The following EYA1 variants were observed in gnomAD, a reference collection of about 807,000 sequenced individuals.
EYA1 encodes the protein protein phosphatase EYA1.
Under a neutral mutation model 82.0 loss-of-function variants are expected in EYA1, and 16 were observed. The observed-to-expected ratio is 0.20, with a 90% CI of 0.13 to 0.30. The LOEUF (loss-of-function observed/expected upper bound fraction) is 0.30, where lower values mean the gene tolerates loss of function less well. Among genes scored for constraint, EYA1 ranks in the 10% least tolerant of loss-of-function variants. The pLI is 1.00. For missense variants in EYA1, 633 were observed against 730.7 expected (o/e 0.87, Z 1.54); for synonymous variants, 261 against 264.4 (o/e 0.99, Z 0.12).
Position 71,271,804 on chromosome 8 carries a change from C to T in EYA1, c.920G>A (p.Gly307Asp), listed in dbSNP as rs1435743529. 6.2e-7 allele frequency: 1 copy of T among 1,614,146 alleles called. No individual in the cohort carries two copies. The highest frequency in any genetic ancestry group is 8.5e-7 in the Non-Finnish European group (1 of 1,180,014). ...RGSDGKSRGR[G>D]RRNNNPSPPP... The stretch of plus-strand genomic sequence containing the variant: ...AGGTGAAGGATTATTGTTTCTTCGG[C>T]CCCGTCCACGTGATTTCCCATCTGA... The change falls in exon 10 of 18, where the codon GGC (glycine) becomes GAC (aspartate). Residue 307 changes from glycine (G) to aspartate (D), a missense_variant. Transcript: ENST00000340726.
intron 2 of EYA1, among the ~76,000 whole-genome samples, chr8:71,531,660 G>A (rs1185781948): frequency 6.6e-6 from 1 of 152,058 alleles, no homozygotes; most frequent in South Asian, 2.1e-4. Flanking sequence ...TGTTTCCAGT[G>A]TTTACCTTGG....
intron 17 of EYA1, among the ~76,000 whole-genome samples, chr8:71,201,065 G>C (rs1806937518): frequency 6.8e-6 from 1 of 147,350 alleles, no homozygotes; most frequent in Non-Finnish European, 1.5e-5. Context: ...AGTGGCTGCA[G>C]GAGCCAGCTG....
chr8:71,284,280 C>T (rs1818140383), intron 9 of EYA1, among the ~76,000 whole-genome samples: 2 of 152,324 alleles, frequency 1.3e-5, no homozygotes, highest in Admixed American at 1.3e-4. Context: ...TCTTTCCTTT[C>T]ACTCTTTGGG....
intron 2 of EYA1, among the ~76,000 whole-genome samples, chr8:71,444,647 T>A (rs1461167126): frequency 4.6e-5 from 7 of 152,196 alleles, no homozygotes; most frequent in African/African-American, 1.7e-4. Context: ...TGACTGAGCA[T>A]CCGTATGTAC....
intron 2 of EYA1, among the ~76,000 whole-genome samples, chr8:71,463,930 C>G (rs1016086042): frequency 1.3e-5 from 2 of 151,984 alleles, no homozygotes; most frequent in African/African-American, 2.4e-5. Flanking sequence ...AAAAAACATT[C>G]CTCTGTAGAG....
intron 4 of EYA1, among the ~76,000 whole-genome samples, chr8:71,330,473 CCTCT>C (rs1422327990): frequency 6.6e-6 from 1 of 152,112 alleles, no homozygotes; most frequent in African/African-American, 2.4e-5. Context: ...AAATGCCATC[CCTCT>C]CTCTAACGAA....
intron 2 of EYA1, among the ~76,000 whole-genome samples, chr8:71,453,454 A>G (rs766659873): frequency 7.2e-5 from 11 of 152,330 alleles, no homozygotes; most frequent in Non-Finnish European, 1.5e-4. Context: ...GAGCAACTCC[A>G]ATACACATAA....
At chr8:71,506,530 T>A (rs745359630) in intron 2 of EYA1, among the ~76,000 whole-genome samples, 1 of 152,234 alleles carries the variant, frequency 6.6e-6, no homozygotes, top group Non-Finnish European at 1.5e-5. Flanking sequence ...CAATTATATT[T>A]GTTATTGTAA....
intron 17 of EYA1, chr8:71,199,943 A>G (rs537564794): frequency 6.4e-6 from 1 of 156,538 alleles, no homozygotes; most frequent in Non-Finnish European, 1.4e-5. Flanking sequence ...AAAACGTTTT[A>G]AATGAACATC....
intron 2 of EYA1, among the ~76,000 whole-genome samples, chr8:71,483,438 G>C (rs1810327227): frequency 6.6e-6 from 1 of 152,012 alleles, no homozygotes; most frequent in Non-Finnish European, 1.5e-5. Context: ...GAAATAAACT[G>C]AGCTTCAGTG....
At chr8:71,336,212 TGGGA>T in intron 3 of EYA1, among the ~76,000 whole-genome samples, 1 of 152,222 alleles carries the variant, frequency 6.6e-6, no homozygotes, top group East Asian at 1.9e-4. Context: ...TAGTAATAAG[TGGGA>T]CTTTCCAATA....
chr8:71,393,417 G>C (rs373538667), intron 2 of EYA1, among the ~76,000 whole-genome samples: 2 of 152,074 alleles, frequency 1.3e-5, no homozygotes, highest in South Asian at 4.2e-4. Flanking sequence ...TTTACATTAG[G>C]TATATCTCCT....
At chr8:71,211,770 G>A (rs937681407) in intron 16 of EYA1, among the ~76,000 whole-genome samples, 3 of 151,988 alleles carry the variant, frequency 2.0e-5, no homozygotes, top group South Asian at 2.1e-4. Flanking sequence ...CGCAAACATC[G>A]GAATTAGCTT....
At chr8:71,323,566 A>C (rs1459389717) in intron 4 of EYA1, among the ~76,000 whole-genome samples, 1 of 152,174 alleles carries the variant, frequency 6.6e-6, no homozygotes, top group East Asian at 1.9e-4. Flanking sequence ...GGAACAGTAG[A>C]TCTAGATTAG....
intron 2 of EYA1, among the ~76,000 whole-genome samples, chr8:71,529,218 A>C (rs1433407199): frequency 2.6e-5 from 4 of 152,164 alleles, no homozygotes; most frequent in African/African-American, 4.8e-5. Flanking sequence ...TCCCAAGTTC[A>C]AGTTATTATC....
chr8:71,490,647 CAA>C (rs1416347154), intron 2 of EYA1, among the ~76,000 whole-genome samples: 18 of 152,200 alleles, frequency 1.2e-4, no homozygotes. Context: ...AGGGAGCTTA[CAA>C]GATAAGCCTA....
chr8:71,477,739 G>C (rs1809781596), intron 2 of EYA1, among the ~76,000 whole-genome samples: 1 of 151,992 alleles, frequency 6.6e-6, no homozygotes, highest in Non-Finnish European at 1.5e-5. Flanking sequence ...ATACAGCCAA[G>C]AGAAATGAAA....
chr8:71,206,199 T>C (rs1230572322), intron 17 of EYA1, among the ~76,000 whole-genome samples: 1 of 151,524 alleles, frequency 6.6e-6, no homozygotes, highest in African/African-American at 2.4e-5. Context: ...TTAAGATATA[T>C]AAATGTAGTT....
At chr8:71,203,308 G>C (rs554566559) in intron 17 of EYA1, among the ~76,000 whole-genome samples, 1 of 152,274 alleles carries the variant, frequency 6.6e-6, no homozygotes, top group South Asian at 2.1e-4. Flanking sequence ...AGCTACAGTA[G>C]ATACGTAATA....
Sources: gnomAD v4.1 joint callset for allele counts (sites outside exome capture counted in the v4.1 genomes callset) on GRCh38, gnomAD v4.1.1 for gene constraint, MANE v1.5 for transcripts, NCBI Gene and HGNC (gene_info 2026-07-23, HGNC 2026-07-21) for gene names.